Variants in VPS29 observed in about 807,000 individuals in gnomAD.
VPS29 encodes the protein vacuolar protein sorting-associated protein 29.
Under a neutral mutation model 20.0 loss-of-function variants are expected in VPS29, and 2 were observed. The ratio of observed to expected loss-of-function variants is 0.10; its 90% CI spans 0.04 to 0.31. The LOEUF is 0.31. Ranked by LOEUF, VPS29 falls within the 10% of genes least tolerant of loss-of-function variation. The pLI, the probability that VPS29 is intolerant of heterozygous loss-of-function variation, is 1.00. For missense variants in VPS29, 120 were observed against 215.3 expected (o/e 0.56, Z 2.77); for synonymous variants, 81 against 79.3 (o/e 1.02, Z -0.12).
chr12:110,498,096 C>T (rs1163095209), intron 1 of VPS29, among the ~76,000 whole-genome samples: 2 of 151,594 alleles, frequency 1.3e-5, no homozygotes, highest in Non-Finnish European at 2.9e-5. Flanking sequence ...CTCAGCCTCC[C>T]GAGTAGCTGG....
At chr12:110,501,188 A>C (rs567902710) in intron 1 of VPS29, among the ~76,000 whole-genome samples, 1 of 152,168 alleles carries the variant, frequency 6.6e-6, no homozygotes, top group Non-Finnish European at 1.5e-5. Context: ...AAAAAGAAAG[A>C]AAGAAAATAT....
rs187826680 is a variant in VPS29 at position 110,500,713 on chromosome 12, C to A, written c.3+1336G>T. 6.9e-3 allele frequency among the ~76,000 whole-genome samples: 1,042 copies of A among 150,882 alleles called. 1 individual carries two copies. Among genetic ancestry groups the A allele is most frequent in the Non-Finnish European group, 9.4e-3 (636 of 67,842 alleles). On this transcript the variant is annotated intron_variant, in intron 1 of 3. Transcript: ENST00000549578. ...CCTTTACAGCCAACCTCCATCAACACAAATATGAAGATAATCACAGCTCCA... is the reference window on the plus strand; with the variant it reads ...CCTTTACAGCCAACCTCCATCAACAAAAATATGAAGATAATCACAGCTCCA...
intron 1 of VPS29, chr12:110,501,403 T>C: frequency 6.5e-7 from 1 of 1,535,296 alleles, no homozygotes; most frequent in Non-Finnish European, 8.7e-7. Context: ...TCACACATCA[T>C]TAAGGAATCC....
At position 110,493,157 on chromosome 12, in the gene VPS29, A is replaced by C; in HGVS notation, c.270T>G (p.Val90=). Residue 90 remains valine, a synonymous_variant, in exon 3 of 4, where the codon GTT becomes GTG. Transcript: ENST00000549578. The part of the protein sequence containing the change: ...FKIGLIHGHQ[V]IPWGDMASLA... ...AGCTGGCCATATCTCCCCATGGAAT[A>C]ACTTGATGTCCATGGATCAGACCAA... 1 of 1,612,936 alleles carries C rather than the reference A, an allele frequency of 6.2e-7. No individual in the cohort carries two copies. Among genetic ancestry groups the C allele is most frequent in the Non-Finnish European group, 8.5e-7 (1 of 1,179,516 alleles).
chr12:110,495,111 G>A (rs2062883728), intron 2 of VPS29, among the ~76,000 whole-genome samples: 1 of 152,066 alleles, frequency 6.6e-6, no homozygotes, highest in Non-Finnish European at 1.5e-5. Flanking sequence ...TAATATGATG[G>A]GTTTTGACAA....
chr12:110,501,315 T>C, intron 1 of VPS29: 6 of 1,454,038 alleles, frequency 4.1e-6, no homozygotes, highest in South Asian at 2.5e-5. Flanking sequence ...TGGGGGAGAC[T>C]AGGTAAGTCT....
chr12:110,492,186 A>T, intron 3 of VPS29, 64 bp from the exon 4 acceptor site: 1 of 1,236,218 alleles, frequency 8.1e-7, no homozygotes, highest in African/African-American at 1.5e-5. Flanking sequence ...ATAAATTTCA[A>T]TTTAAGATGA....
Position 110,491,874 on chromosome 12 carries a change from G to A in VPS29, c.*131C>T. The A allele has an allele frequency of 3.0e-6, 2 of 673,492 alleles. No homozygotes were observed. The highest frequency in any genetic ancestry group is 5.2e-6 in the Non-Finnish European group (2 of 384,472). The allele number at this position is 673,492 out of a possible 1,614,324, so 41.7% of individuals were successfully genotyped here. Reference sequence around the variant, plus strand: ...AGCTTGGAGCAATTATGTATTAACAGAGAAGATGGTATTATATTTTACTGC... The same window carrying A: ...AGCTTGGAGCAATTATGTATTAACAAAGAAGATGGTATTATATTTTACTGC... On this transcript the variant is annotated 3_prime_UTR_variant, in exon 4 of 4. Coordinates refer to ENST00000549578, the MANE Select transcript of VPS29 (RefSeq NM_016226.5).
In VPS29 at chr12:110,502,037, T is replaced by C; in HGVS notation, c.3+12A>G. 6.2e-7 allele frequency: 1 copy of C among 1,612,116 alleles called. No homozygotes were observed. The highest frequency in any genetic ancestry group is 8.5e-7 in the Non-Finnish European group (1 of 1,179,614). ...AGAGCCAGGCCTTGGTCGCCGCAAC[T>C]GCAGCCCTCACCATCCTGTCACCGG... On this transcript the variant is annotated intron_variant, in intron 1 of 3. Transcript: ENST00000549578.
rs762506826 is a variant in VPS29, at chr12:110,491,977, A to G, written c.*28T>C. 3 of 1,580,684 alleles carry G rather than the reference A, an allele frequency of 1.9e-6. No individual in the cohort carries two copies. The highest frequency in any genetic ancestry group is 1.4e-5 in the African/African-American group (1 of 73,930). On this transcript the variant is annotated 3_prime_UTR_variant, in exon 4 of 4. Transcript: ENST00000549578. Reference sequence around the variant, plus strand: ...GATTTCAACAGGACAATGAAAAAAAACCAAAAATCATCAAGACAGGCCTGG... The same window carrying G: ...GATTTCAACAGGACAATGAAAAAAAGCCAAAAATCATCAAGACAGGCCTGG...
chr12:110,493,125 A>T lies in VPS29; in HGVS notation c.302T>A (p.Leu101Gln). The T allele has an allele frequency of 6.2e-7, 1 of 1,614,028 alleles. No homozygotes were observed. The highest frequency in any genetic ancestry group is 8.5e-7 in the Non-Finnish European group (1 of 1,179,960). The change falls in exon 3 of 4, where the codon CTG becomes CAG. Residue 101 changes from leucine (L) to glutamine (Q), a missense_variant. Transcript: ENST00000549578. ...IPWGDMASLA[L>Q]LQRQFDVDIL... Reference sequence around the variant, plus strand: ...GTCCACATCAAATTGCCTCTGCAACAGGGCTAAGCTGGCCATATCTCCCCA... The same window carrying T: ...GTCCACATCAAATTGCCTCTGCAACTGGGCTAAGCTGGCCATATCTCCCCA...
At chr12:110,501,539 A>C in intron 1 of VPS29, 1 of 1,535,312 alleles carries the variant, frequency 6.5e-7, no homozygotes, top group Non-Finnish European at 8.7e-7. Context: ...AGGAGCGAGG[A>C]GGGTGGTTTA....
chr12:110,496,816 T>C (rs1390741729), intron 1 of VPS29: 1 of 152,236 alleles, frequency 6.6e-6, no homozygotes. Flanking sequence ...TTTGATATTT[T>C]TGTTACTTCA....
chr12:110,498,251 C>T (rs977415468), intron 1 of VPS29, among the ~76,000 whole-genome samples: 5 of 152,108 alleles, frequency 3.3e-5, no homozygotes, highest in South Asian at 2.1e-4. Flanking sequence ...GGATTATAGG[C>T]GTGAGCCACT....
chr12:110,493,942 A>G (rs1228981036), intron 2 of VPS29, among the ~76,000 whole-genome samples: 2 of 152,162 alleles, frequency 1.3e-5, no homozygotes, highest in African/African-American at 4.8e-5. Flanking sequence ...TAACACTTAC[A>G]TAGTACTTAG....
chr12:110,499,371 A>G, intron 1 of VPS29: 1 of 990,876 alleles, frequency 1.0e-6, no homozygotes, highest in Non-Finnish European at 1.4e-6. Context: ...AAAGCAAAAG[A>G]TCCTGGAAAT....
chr12:110,495,861 G>A (rs2062898286), intron 2 of VPS29, 151 bp downstream of exon 2: 7 of 583,550 alleles, frequency 1.2e-5, no homozygotes, highest in Admixed American at 3.4e-5. Context: ...GTAAGGGAGG[G>A]GCATGATGTA....
At chr12:110,496,281 C>CT (rs2062905013) in intron 1 of VPS29, 78 bp from the exon 2 acceptor site, 1 of 1,318,974 alleles carries the variant, frequency 7.6e-7, no homozygotes, top group African/African-American at 1.5e-5. Context: ...TGTAAGCCCC[C>CT]TTTTAAGTCT....
chr12:110,493,316 C>A, intron 2 of VPS29, 85 bp from the exon 3 acceptor site: 1 of 1,022,646 alleles, frequency 9.8e-7, no homozygotes, highest in Non-Finnish European at 1.3e-6. Flanking sequence ...TATTCAATCT[C>A]CTATGGATGT....
Sources: gnomAD v4.1 joint callset for allele counts (sites outside exome capture counted in the v4.1 genomes callset) on GRCh38, gnomAD v4.1.1 for gene constraint, MANE v1.5 for transcripts, NCBI Gene and HGNC (gene_info 2026-07-23, HGNC 2026-07-21) for gene names.